SETBP1: variants seen among roughly 807,000 people sequenced by gnomAD.
The protein encoded by SETBP1 is SET-binding protein.
SETBP1 carries 9 observed loss-of-function variants against 101.0 expected under a neutral mutation model. The observed-to-expected ratio is 0.09, with a 90% CI of 0.05 to 0.16. The LOEUF is 0.16. SETBP1 is among the 10% of genes least tolerant of loss of function. SETBP1 has a pLI of 1.00. For synonymous variants in SETBP1, 818 were observed against 788.5 expected (o/e 1.04, Z -0.63); for missense variants, 1,858 against 2,033.8 (o/e 0.91, Z 1.66).
intron 2 of SETBP1, among the ~76,000 whole-genome samples, chr18:44,771,064 A>T (rs1267414333): frequency 1.3e-5 from 2 of 151,844 alleles, no homozygotes; most frequent in Non-Finnish European, 2.9e-5. Context: ...CTGATAGCCT[A>T]TGTCACTCAT....
chr18:44,886,252 G>C (rs553311449), intron 3 of SETBP1, among the ~76,000 whole-genome samples: 1 of 152,096 alleles, frequency 6.6e-6, no homozygotes, highest in African/African-American at 2.4e-5. Context: ...TGCCTCAGAA[G>C]CCTTCCAGCC....
intron 3 of SETBP1, among the ~76,000 whole-genome samples, chr18:44,879,544 A>G (rs2069483305): frequency 6.6e-6 from 1 of 152,306 alleles, no homozygotes; most frequent in Non-Finnish European, 1.5e-5. Context: ...TTAGAGCACA[A>G]ATTTCAGCTT....
In SETBP1 at chr18:44,951,183, C is replaced by G. The variant is rs1348344699; in HGVS notation, c.1843C>G (p.Arg615Gly). Residue 615 changes from arginine to glycine, a missense_variant, in exon 4 of 6, where the codon CGA (arginine) becomes GGA (glycine). Coordinates refer to ENST00000649279, the MANE Select transcript of SETBP1 (RefSeq NM_015559.3). This position sits in a 1 kb window ranked among gnomAD's most constrained non-coding sequence, Gnocchi z 7.8. The stretch of plus-strand genomic sequence containing the variant: ...CACCAGCCCCGTCAGTCCCATCAGC[C>G]GAGAGTTTCCTGGCACTAAGAAAAG... ...TSTSPVSPISREFPGTKKRKR... is the reference protein window; with the variant it reads ...TSTSPVSPISGEFPGTKKRKR... 4 of 1,613,922 alleles carry G rather than the reference C, an allele frequency of 2.5e-6. No individual in the cohort carries two copies. Among genetic ancestry groups the G allele is most frequent in the Non-Finnish European group, 1.7e-6 (2 of 1,180,024 alleles).
chr18:44,769,867 AC>A (rs1417285862), intron 2 of SETBP1, among the ~76,000 whole-genome samples: 7 of 152,200 alleles, frequency 4.6e-5, no homozygotes, highest in Non-Finnish European at 1.0e-4. Flanking sequence ...GACCGACAGC[AC>A]CTGTGTACCC....
At chr18:44,987,173 A>T (rs2072259363) in intron 4 of SETBP1, 2 of 152,148 alleles carry the variant, frequency 1.3e-5, no homozygotes, top group Admixed American at 1.3e-4. Flanking sequence ...TTTCAGTTTC[A>T]CTACAATTTT....
In SETBP1 at chr18:44,911,930, C is replaced by T. The variant is rs187676668; in HGVS notation, c.541-37951C>T. ...GAAGGTACAAACGTGTGTGCTCCTG[C>T]ATACACACACCCACACACACACACA... On this transcript the variant is annotated intron_variant, in intron 3 of 5. Transcript: ENST00000649279. Among the ~76,000 whole-genome samples the T allele has an allele frequency of 2.3e-5, 3 of 132,518 alleles. No individual in the cohort carries two copies. The East Asian group carries it at 6.3e-4, about 28-fold the overall frequency. 86.9% of individuals were successfully genotyped at this position (132,518 alleles called of 152,430 possible). A position where few individuals can be genotyped will look rare whatever the true frequency, so the allele number is the denominator to read the frequency against.
chr18:44,815,443 ATTTGAATTAT>A (rs2071954377), intron 2 of SETBP1, among the ~76,000 whole-genome samples: 1 of 152,200 alleles, frequency 6.6e-6, no homozygotes, highest in Non-Finnish European at 1.5e-5. Context: ...GGCAATAGAC[ATTTGAATTAT>A]CAAATGAGAC....
intron 2 of SETBP1, among the ~76,000 whole-genome samples, chr18:44,709,553 G>A (rs1029127057): frequency 6.6e-5 from 10 of 152,206 alleles, no homozygotes; most frequent in African/African-American, 2.4e-4. Flanking sequence ...ACTGTGGTGA[G>A]GTTGAAGTTG....
At chr18:44,994,813 A>G (rs1182871758) in intron 4 of SETBP1, among the ~76,000 whole-genome samples, 2 of 152,228 alleles carry the variant, frequency 1.3e-5, no homozygotes, top group African/African-American at 4.8e-5. Flanking sequence ...AAATATGAAA[A>G]AACATACTAT....
chr18:44,681,199 C>T (rs897436724), intron 1 of SETBP1, among the ~76,000 whole-genome samples, 178 bp downstream of exon 1: 6 of 152,138 alleles, frequency 3.9e-5, no homozygotes, highest in Admixed American at 3.9e-4. Flanking sequence ...CTAGAGGAGC[C>T]GTGGGCTTGG....
intron 3 of SETBP1, among the ~76,000 whole-genome samples, chr18:44,914,807 G>C (rs928537651): frequency 5.9e-5 from 9 of 152,044 alleles, no homozygotes; most frequent in Non-Finnish European, 1.2e-4. Context: ...CCAATTCCCA[G>C]ACCAGTGCTT....
At chr18:44,767,519 G>A (rs1398175377) in intron 2 of SETBP1, among the ~76,000 whole-genome samples, 2 of 152,094 alleles carry the variant, frequency 1.3e-5, no homozygotes, top group Non-Finnish European at 2.9e-5. Flanking sequence ...TCACCAAATT[G>A]GTATTCAGCT....
chr18:44,767,552 G>C (rs2070784596), intron 2 of SETBP1, among the ~76,000 whole-genome samples: 1 of 152,192 alleles, frequency 6.6e-6, no homozygotes, highest in Non-Finnish European at 1.5e-5. Context: ...ACCTCCTTAA[G>C]ATGGTTATAT....
At chr18:45,024,366 C>G (rs1174525547) in intron 4 of SETBP1, among the ~76,000 whole-genome samples, 1 of 152,192 alleles carries the variant, frequency 6.6e-6, no homozygotes, top group Non-Finnish European at 1.5e-5. Flanking sequence ...TAGTGTGAGG[C>G]TGCTTTTCCT....
rs541668492 is a variant in SETBP1, at chr18:45,028,849, G to A, written c.4001-9636G>A. Among the ~76,000 whole-genome samples, 44 of 152,222 alleles carry A rather than the reference G, an allele frequency of 2.9e-4. 1 individual carries two copies. In the South Asian group the frequency reaches 8.9e-3, roughly 31 times the overall value. On this transcript the variant is annotated intron_variant, in intron 4 of 5. Transcript: ENST00000649279. ...TGTTCATGTCCTTCACCCACTTTTT[G>A]ATTGGGTTGTTTGTTTTTTTCTTGT...
At chr18:44,811,314 C>T (rs957448045) in intron 2 of SETBP1, among the ~76,000 whole-genome samples, 16 of 152,256 alleles carry the variant, frequency 1.1e-4, no homozygotes, top group African/African-American at 3.9e-4. Flanking sequence ...TAAATGAATA[C>T]ACATACACAC....
At chr18:45,036,948 G>T (rs1468628433) in intron 4 of SETBP1, among the ~76,000 whole-genome samples, 2 of 152,158 alleles carry the variant, frequency 1.3e-5, no homozygotes, top group Non-Finnish European at 2.9e-5. Flanking sequence ...AGTGAGTTCA[G>T]GTCTCCTTTA....
chr18:45,003,090 T>C lies in SETBP1; in HGVS notation c.4001-35395T>C, dbSNP rs996353325. Reference sequence around the variant, plus strand: ...TCACATTCCACAAAGCTGCCATCGCTCAAAATACTTTGGAATATTTCTGAA... The same window carrying C: ...TCACATTCCACAAAGCTGCCATCGCCCAAAATACTTTGGAATATTTCTGAA... On this transcript the variant is annotated intron_variant, in intron 4 of 5. Coordinates refer to ENST00000649279, the MANE Select transcript of SETBP1 (RefSeq NM_015559.3). Among the ~76,000 whole-genome samples the C allele has an allele frequency of 2.0e-5, 3 of 152,360 alleles. No individual in the cohort carries two copies. In the East Asian group the frequency reaches 5.8e-4, roughly 29 times the overall value.
intron 5 of SETBP1, among the ~76,000 whole-genome samples, chr18:45,050,503 C>T (rs2073703764): frequency 6.6e-6 from 1 of 152,090 alleles, no homozygotes; most frequent in South Asian, 2.1e-4. Context: ...AGTGTCTGAC[C>T]TATTGAAGAA....
Sources: gnomAD v4.1 joint callset for allele counts (sites outside exome capture counted in the v4.1 genomes callset) on GRCh38, gnomAD v4.1.1 for gene constraint, Gnocchi (gnomAD v3.1) non-coding constraint, MANE v1.5 for transcripts, NCBI Gene and HGNC (gene_info 2026-07-23, HGNC 2026-07-21) for gene names.